The following ZC2HC1A variants were observed in gnomAD, a reference collection of about 807,000 sequenced individuals.
ZC2HC1A encodes zinc finger C2HC-type containing 1A, also known as zinc finger C2HC domain-containing protein 1A.
Under a neutral mutation model 40.7 loss-of-function variants are expected in ZC2HC1A, and 28 were observed. The ratio of observed to expected loss-of-function variants is 0.69; its 90% CI spans 0.51 to 0.94. The LOEUF is 0.94. Among genes scored for constraint, ZC2HC1A ranks in the 40% least tolerant of loss-of-function variants. The pLI is 0.00. For synonymous variants in ZC2HC1A, 129 were observed against 129.2 expected, an observed-to-expected ratio of 1.00 and a Z score of 0.01; for missense variants, 389 against 386.3, an observed-to-expected ratio of 1.01 and a Z score of -0.06.
Position 78,687,833 on chromosome 8 carries a change from TAAATTA to T in ZC2HC1A, c.352+1226_352+1231del, listed in dbSNP as rs1404142325. On this transcript the variant is annotated intron_variant, in intron 4 of 8. Transcript: ENST00000263849. ...GTAATAAATATATATATTCATGTAATAAATTATATATATATTTATATAATATATATC... is the reference window on the plus strand; with the variant it reads ...GTAATAAATATATATATTCATGTAATTATATATATTTATATAATATATATC... Among the ~76,000 whole-genome samples the T allele has an allele frequency of 5.7e-5, 4 of 70,188 alleles. No homozygotes were observed. The Admixed American group carries it at 7.7e-4, about 13-fold the overall frequency. The allele number at this position is 70,188 out of a possible 152,430, so 46.0% of individuals were successfully genotyped here. A position where few individuals can be genotyped will look rare whatever the true frequency, so the allele number is the denominator to read the frequency against.
At chr8:78,673,204 T>C (rs1456172433) in intron 1 of ZC2HC1A, among the ~76,000 whole-genome samples, 4 of 152,140 alleles carry the variant, frequency 2.6e-5, no homozygotes, top group Non-Finnish European at 4.4e-5. Context: ...CTGAGAAAGA[T>C]GGTTTCCAGC....
At chr8:78,666,346 C>T (rs1809296912) in intron 1 of ZC2HC1A, among the ~76,000 whole-genome samples, 182 bp downstream of exon 1, 1 of 152,212 alleles carries the variant, frequency 6.6e-6, no homozygotes, top group African/African-American at 2.4e-5. Context: ...GTGGAGCTAA[C>T]GCTACCAGGC....
chr8:78,717,391 A>T lies in ZC2HC1A; in HGVS notation c.876A>T (p.Ser292=). The T allele has an allele frequency of 6.2e-7, 1 of 1,613,600 alleles. No individual in the cohort carries two copies. Among genetic ancestry groups the T allele is most frequent in the Non-Finnish European group, 8.5e-7 (1 of 1,179,866 alleles). The stretch of plus-strand genomic sequence containing the variant: ...ATATTAAAGGCATTGAAGGACATTC[A>T]CCTGGAAACTTACCAAAATTCTGCC... ...GGNIKGIEGH[S]PGNLPKFCHE... is the part of the protein sequence containing the mutation. The change falls in exon 9 of 9, where the codon TCA becomes TCT. Residue 292 remains serine, a synonymous_variant. Transcript: ENST00000263849.
Position 78,717,333 on chromosome 8 carries a change from A to G in ZC2HC1A, c.818A>G (p.Asp273Gly). The change falls in exon 9 of 9, where the codon GAT (aspartate) becomes GGT (glycine). Residue 273 changes from aspartate (D) to glycine (G), a missense_variant. Coordinates refer to ENST00000263849, the MANE Select transcript of ZC2HC1A (RefSeq NM_016010.3). The part of the protein sequence containing the change: ...TYTESYIARP[D>G]GDCASSLNGG... The stretch of plus-strand genomic sequence containing the variant: ...TTGTTTCTTTACTTTTTTAGGCCAG[A>G]TGGGGACTGTGCATCTTCCCTTAAT... The G allele has an allele frequency of 1.2e-6, 2 of 1,606,924 alleles. No individual in the cohort carries two copies. The highest frequency in any genetic ancestry group is 1.7e-4 in the Middle Eastern group (1 of 6,022).
rs548811791 is a variant in ZC2HC1A at position 78,673,161 on chromosome 8, C to T, written c.17-2626C>T. 7.2e-5 allele frequency among the ~76,000 whole-genome samples: 11 copies of T among 152,150 alleles called. No individual in the cohort carries two copies. In the South Asian group the frequency reaches 8.3e-4, roughly 11 times the overall value. ...GCTCCCACTTATGAATAAGAACATG[C>T]GGTGTTTGATTTTCTGTTCCTGTGT... On this transcript the variant is annotated intron_variant, in intron 1 of 8. Coordinates refer to ENST00000263849, the MANE Select transcript of ZC2HC1A (RefSeq NM_016010.3).
Position 78,686,480 on chromosome 8 carries a change from A to G in ZC2HC1A, c.224A>G (p.Lys75Arg). 6.6e-7 allele frequency: 1 copy of G among 1,506,868 alleles called. No individual in the cohort carries two copies. The allele number at this position is 1,506,868 out of a possible 1,614,324, so 93.3% of individuals were successfully genotyped here. A position where few individuals can be genotyped will look rare whatever the true frequency, so the allele number is the denominator to read the frequency against. ...KPLKPRPEPP[K>R]KPSNWRRKHE... ...ATTTATTTATAGCCAGAACCACCAA[A>G]GAAACCATCTAATTGGAGAAGGAAA... The change falls in exon 4 of 9, where the codon AAG becomes AGG. Residue 75 changes from lysine (K) to arginine (R), a missense_variant. By Grantham distance (26) the Lys-to-Arg change is conservative. Transcript: ENST00000263849.
chr8:78,697,148 A>G (rs534442124), intron 5 of ZC2HC1A, among the ~76,000 whole-genome samples: 1 of 152,246 alleles, frequency 6.6e-6, no homozygotes, highest in Middle Eastern at 3.4e-3. Context: ...TTTCTTTCCA[A>G]TTATTTTTTT....
chr8:78,694,850 C>T (rs6997255), intron 5 of ZC2HC1A, among the ~76,000 whole-genome samples: 113,009 of 152,086 alleles, frequency 0.74, 43,047 homozygotes, highest in East Asian at 0.91. Flanking sequence ...GAAAGAAATA[C>T]GTTGAATGTA....
chr8:78,711,457 C>A (rs1042209172), intron 7 of ZC2HC1A, among the ~76,000 whole-genome samples: 1 of 151,736 alleles, frequency 6.6e-6, no homozygotes, highest in Non-Finnish European at 1.5e-5. Flanking sequence ...ATGCCGAGTC[C>A]TGTTTTACTT....
intron 5 of ZC2HC1A, among the ~76,000 whole-genome samples, chr8:78,694,138 T>C (rs957063890): frequency 6.6e-6 from 1 of 152,168 alleles, no homozygotes; most frequent in Non-Finnish European, 1.5e-5. Context: ...TGGCTATTTT[T>C]CTAATTTCCT....
intron 6 of ZC2HC1A, 31 bp downstream of exon 6, chr8:78,697,537 T>C (rs1167765461): frequency 6.0e-5 from 93 of 1,545,678 alleles, no homozygotes; most frequent in Non-Finnish European, 8.3e-5. Flanking sequence ...ACTTGATTTG[T>C]TTTTGAAACC....
intron 1 of ZC2HC1A, among the ~76,000 whole-genome samples, chr8:78,668,519 A>C (rs1809362492): frequency 6.6e-6 from 1 of 152,180 alleles, no homozygotes; most frequent in Admixed American, 6.5e-5. Flanking sequence ...TATTAAAGAT[A>C]ATCTTACTCT....
intron 1 of ZC2HC1A, among the ~76,000 whole-genome samples, chr8:78,672,778 T>C (rs900519840): frequency 6.6e-6 from 1 of 152,160 alleles, no homozygotes; most frequent in Non-Finnish European, 1.5e-5. Context: ...TAATTGATAA[T>C]TTTTCTTACT....
chr8:78,698,354 GCT>G, intron 6 of ZC2HC1A, 58 bp from the exon 7 acceptor site: 1 of 1,334,696 alleles, frequency 7.5e-7, no homozygotes, highest in Non-Finnish European at 1.0e-6. Flanking sequence ...TTTGTTAGAT[GCT>G]CTGTTTTATG....
intron 7 of ZC2HC1A, among the ~76,000 whole-genome samples, chr8:78,714,022 T>C (rs1811024109): frequency 6.6e-6 from 1 of 152,184 alleles, no homozygotes; most frequent in African/African-American, 2.4e-5. Context: ...CTTTGCCATA[T>C]AAGTAGAGTA....
intron 4 of ZC2HC1A, among the ~76,000 whole-genome samples, chr8:78,687,916 T>TAC (rs1338725583): frequency 7.1e-6 from 1 of 140,930 alleles, no homozygotes; most frequent in African/African-American, 2.6e-5. Flanking sequence ...TATATAAATA[T>TAC]ATAATTATTT....
intron 5 of ZC2HC1A, among the ~76,000 whole-genome samples, chr8:78,690,559 C>CAA (rs36016408): frequency 1.8e-4 from 17 of 92,482 alleles, no homozygotes; most frequent in Non-Finnish European, 2.1e-4. Context: ...GAGACTGTCT[C>CAA]AAAAAAAAAA....
chr8:78,703,022 G>A (rs142632814), intron 7 of ZC2HC1A, among the ~76,000 whole-genome samples: 44 of 152,054 alleles, frequency 2.9e-4, no homozygotes, highest in Non-Finnish European at 3.7e-4. Context: ...TCAGCCTCTC[G>A]AGCAGCTGGG....
At chr8:78,713,552 G>A (rs1172826390) in intron 7 of ZC2HC1A, among the ~76,000 whole-genome samples, 3 of 151,942 alleles carry the variant, frequency 2.0e-5, no homozygotes, top group African/African-American at 4.8e-5. Context: ...GACTCTAGTA[G>A]TTCTACAACA....
Sources: allele counts gnomAD v4.1 joint callset (sites outside exome capture counted in the v4.1 genomes callset), GRCh38; gene constraint gnomAD v4.1.1; transcripts MANE v1.5; gene names NCBI Gene and HGNC (gene_info 2026-07-23, HGNC 2026-07-21).